The following EHBP1 variants were observed in gnomAD, a reference collection of about 807,000 sequenced individuals.
EHBP1 encodes the protein EH domain binding protein 1.
Under a neutral mutation model 144.0 loss-of-function variants are expected in EHBP1, and 55 were observed. The observed-to-expected ratio is 0.38, with a 90% CI of 0.31 to 0.48. EHBP1 has a LOEUF of 0.48. Among genes scored for constraint, EHBP1 ranks in the 20% least tolerant of loss-of-function variants. EHBP1 has a pLI of 0.98. For missense variants in EHBP1, 1,200 were observed against 1,364.2 expected, an observed-to-expected ratio of 0.88 and a Z score of 1.90; for synonymous variants, 469 against 472.7, an observed-to-expected ratio of 0.99 and a Z score of 0.10.
intron 2 of EHBP1, among the ~76,000 whole-genome samples, chr2:62,721,148 T>G (rs2036184926): frequency 6.6e-6 from 1 of 152,162 alleles, no homozygotes; most frequent in African/African-American, 2.4e-5. Flanking sequence ...GTTTTTAGTC[T>G]TTTTTTGTTT....
chr2:62,900,522 C>T (rs894597313), intron 10 of EHBP1, among the ~76,000 whole-genome samples: 2 of 151,350 alleles, frequency 1.3e-5, no homozygotes, highest in African/African-American at 4.9e-5. Flanking sequence ...TCAGGAGGCT[C>T]AAGTGGGAGG....
intron 10 of EHBP1, among the ~76,000 whole-genome samples, chr2:62,894,784 G>T (rs746373463): frequency 2.0e-5 from 3 of 152,056 alleles, no homozygotes; most frequent in Non-Finnish European, 4.4e-5. Flanking sequence ...GGCATGGTGG[G>T]CATGGTGCCT....
chr2:62,978,148 A>G (rs1313067123), intron 14 of EHBP1, among the ~76,000 whole-genome samples: 3 of 152,064 alleles, frequency 2.0e-5, no homozygotes, highest in Admixed American at 2.0e-4. Flanking sequence ...TATGCTTTTC[A>G]ATTTACAAAG....
At chr2:62,756,451 G>A (rs2040288109) in intron 3 of EHBP1, among the ~76,000 whole-genome samples, 1 of 152,118 alleles carries the variant, frequency 6.6e-6, no homozygotes, top group African/African-American at 2.4e-5. Flanking sequence ...TTAGTATGAT[G>A]CAGTATGTTC....
intron 21 of EHBP1, among the ~76,000 whole-genome samples, chr2:63,042,504 A>T (rs1419563668): frequency 1.3e-5 from 2 of 152,224 alleles, no homozygotes; most frequent in African/African-American, 4.8e-5. Flanking sequence ...TTAATATTTT[A>T]AAAACCTATA....
chr2:62,856,476 G>A (rs2049065440), intron 7 of EHBP1, among the ~76,000 whole-genome samples: 1 of 152,218 alleles, frequency 6.6e-6, no homozygotes, highest in Non-Finnish European at 1.5e-5. Context: ...AGCAGCTGGT[G>A]TGTCTGACTG....
intron 2 of EHBP1, among the ~76,000 whole-genome samples, chr2:62,717,414 A>C (rs1356311739): frequency 1.3e-5 from 2 of 152,262 alleles, no homozygotes; most frequent in Non-Finnish European, 2.9e-5. Context: ...AAAATAGTTC[A>C]GGAAAAATTG....
At chr2:62,696,466 T>C (rs2034097324) in intron 1 of EHBP1, among the ~76,000 whole-genome samples, 1 of 151,078 alleles carries the variant, frequency 6.6e-6, no homozygotes, top group East Asian at 1.9e-4. Context: ...CTTTTCCTTT[T>C]TCTTCTCTTT....
chr2:62,826,160 C>A lies in EHBP1; in HGVS notation c.386C>A (p.Pro129Gln). Residue 129 changes from proline (P) to glutamine (Q), a missense_variant, in exon 6 of 23, where the codon CCA (proline) becomes CAA (glutamine). Pro to Gln is a moderately conservative substitution (Grantham distance 76). Around this residue, in one of 6 missense-constraint regions of EHBP1, gnomAD observed 137 missense variants for 190.1 expected, o/e 0.72. Coordinates refer to ENST00000431489, the MANE Select transcript of EHBP1 (RefSeq NM_001142616.3). ...INMKQYASPM[P>Q]TQTDVKLKFK... is the part of the protein sequence containing the mutation. ...ATGAAACAGTATGCAAGCCCTATGC[C>A]AACTCAGACTGATGTCAAGTTAAAA... 1 of 1,609,692 alleles carries A rather than the reference C, an allele frequency of 6.2e-7. No homozygotes were observed.
rs769822005 is a variant in EHBP1 at position 62,747,500 on chromosome 2, G to A, written c.162+48G>A. The A allele has an allele frequency of 4.3e-6, 6 of 1,397,182 alleles. No homozygotes were observed. In the African/African-American group the frequency reaches 8.6e-5, roughly 20 times the overall value. The allele number at this position is 1,397,182 out of a possible 1,614,324, so 86.5% of individuals were successfully genotyped here. ...TTACCTAATTGTTGAATACAAATTA[G>A]CAAACTGCTCTGGTTCCAGTGTAGA... On this transcript the variant is annotated intron_variant, in intron 3 of 22. Coordinates refer to ENST00000431489, the MANE Select transcript of EHBP1 (RefSeq NM_001142616.3).
intron 19 of EHBP1, among the ~76,000 whole-genome samples, chr2:63,029,566 G>T (rs576252007): frequency 1.3e-5 from 2 of 151,660 alleles, no homozygotes; most frequent in East Asian, 1.9e-4. Context: ...GTAGTCTTGG[G>T]TTCTGCACTA....
At chr2:62,912,255 A>G (rs149629011) in intron 10 of EHBP1, among the ~76,000 whole-genome samples, 1 of 152,274 alleles carries the variant, frequency 6.6e-6, no homozygotes, top group East Asian at 1.9e-4. Flanking sequence ...ATAAAAAGAT[A>G]AAGGAATTAT....
intron 9 of EHBP1, among the ~76,000 whole-genome samples, chr2:62,873,634 CAG>C (rs2050656770): frequency 6.6e-6 from 1 of 152,138 alleles, no homozygotes; most frequent in South Asian, 2.1e-4. Flanking sequence ...GAGTCTGAAA[CAG>C]AATAAATCCA....
chr2:62,986,972 A>C (rs2059222871), intron 15 of EHBP1, among the ~76,000 whole-genome samples: 1 of 152,104 alleles, frequency 6.6e-6, no homozygotes, highest in Non-Finnish European at 1.5e-5. Context: ...ACTACTAATA[A>C]AAGTTGCCCA....
intron 10 of EHBP1, among the ~76,000 whole-genome samples, chr2:62,924,861 A>G (rs908202875): frequency 5.9e-5 from 9 of 152,362 alleles, no homozygotes; most frequent in Non-Finnish European, 1.2e-4. Flanking sequence ...TGAGGCCAGC[A>G]TAACATTGAC....
At chr2:63,019,835 GGAAGGAAGGAAGGAAGGAA>G (rs1574494873) in intron 19 of EHBP1, among the ~76,000 whole-genome samples, 703 of 63,866 alleles carry the variant, frequency 0.011, 21 homozygotes, top group Non-Finnish European at 0.016. Context: ...GGGGAGGGAA[GGAAGGAAGGAAGGAAGGAA>G]GGAAGGAAGG....
chr2:62,744,129 G>A (rs1326405363), intron 2 of EHBP1, among the ~76,000 whole-genome samples: 2 of 152,062 alleles, frequency 1.3e-5, no homozygotes, highest in African/African-American at 2.4e-5. Context: ...AAGTGTGACT[G>A]TGCATACATT....
chr2:62,706,969 C>T lies in EHBP1; in HGVS notation c.-223C>T, dbSNP rs1006203139. ...CTCCATGAGGGAACCCCTTCCCACTCATCCTGTCACGTATATCATAGTGTT... is the reference window on the plus strand; with the variant it reads ...CTCCATGAGGGAACCCCTTCCCACTTATCCTGTCACGTATATCATAGTGTT... On this transcript the variant is annotated 5_prime_UTR_variant, in exon 2 of 23. Transcript: ENST00000431489. The T allele has an allele frequency of 2.0e-6, 1 of 493,558 alleles. No homozygotes were observed. The highest frequency in any genetic ancestry group is 3.6e-5 in the East Asian group (1 of 28,022). 30.6% of individuals were successfully genotyped at this position (493,558 alleles called of 1,614,324 possible). A position where few individuals can be genotyped will look rare whatever the true frequency, so the allele number is the denominator to read the frequency against.
intron 10 of EHBP1, among the ~76,000 whole-genome samples, chr2:62,936,982 C>T (rs1175896977): frequency 1.3e-5 from 2 of 152,122 alleles, no homozygotes; most frequent in African/African-American, 2.4e-5. Context: ...GTATATGTCT[C>T]GTTACACTGG....
Sources: allele counts gnomAD v4.1 joint callset (sites outside exome capture counted in the v4.1 genomes callset), GRCh38; gene constraint gnomAD v4.1.1; regional missense constraint gnomAD v4.1.1; transcripts MANE v1.5; gene names NCBI Gene and HGNC (gene_info 2026-07-23, HGNC 2026-07-21).